Variants in HAO1 observed in about 807,000 individuals in gnomAD.
The protein encoded by HAO1 is hydroxyacid oxidase 1.
A neutral mutation model predicts 39.7 loss-of-function variants in HAO1; 34 were observed. The ratio of observed to expected loss-of-function variants is 0.86; its 90% CI spans 0.65 to 1.14. The LOEUF (loss-of-function observed/expected upper bound fraction) is 1.14, where lower values mean the gene tolerates loss of function less well. Ranked by LOEUF, HAO1 falls within the 50% of genes most tolerant of loss-of-function variation. The pLI is 0.00. For missense variants in HAO1, 479 were observed against 464.5 expected (o/e 1.03, Z -0.29); for synonymous variants, 172 against 173.2 (o/e 0.99, Z 0.05).
intron 2 of HAO1, among the ~76,000 whole-genome samples, chr20:7,916,404 G>T (rs2050307341): frequency 6.6e-6 from 1 of 152,190 alleles, no homozygotes; most frequent in Non-Finnish European, 1.5e-5. Context: ...GACACTCACA[G>T]GATGTTGATA....
chr20:7,883,801 T>A, intron 7 of HAO1, 138 bp from the exon 8 acceptor site: 1 of 718,382 alleles, frequency 1.4e-6, no homozygotes, highest in Non-Finnish European at 2.5e-6. Flanking sequence ...TTATGTGGCA[T>A]GAGACCATTT....
rs1459530705 is a variant in HAO1, at chr20:7,934,543, A to T, written c.230T>A (p.Val77Glu). Residue 77 changes from valine (V) to glutamate (E), a missense_variant, in exon 2 of 8, where the codon GTG becomes GAG. Val to Glu is a moderately radical substitution (Grantham distance 121). Transcript: ENST00000378789. Reference protein sequence around the residue: ...LGQRVSMPICVGATAMQRMAH... With the variant: ...LGQRVSMPICEGATAMQRMAH... ...CATGCGCTGCATGGCCGTAGCCCCC[A>T]CACATATTGGCATGCTGACCCTCTG... The T allele has an allele frequency of 6.2e-7, 1 of 1,613,532 alleles. No homozygotes were observed. Among genetic ancestry groups the T allele is most frequent in the Admixed American group, 1.7e-5 (1 of 60,006 alleles).
intron 4 of HAO1, among the ~76,000 whole-genome samples, chr20:7,905,854 G>A (rs911653996): frequency 2.0e-5 from 3 of 152,166 alleles, no homozygotes; most frequent in East Asian, 1.9e-4. Flanking sequence ...AACTCATGAC[G>A]TTCTACCAAG....
intron 5 of HAO1, among the ~76,000 whole-genome samples, chr20:7,890,444 C>T (rs901147789): frequency 2.0e-5 from 3 of 152,102 alleles, no homozygotes; most frequent in African/African-American, 7.2e-5. Flanking sequence ...GAACTCCTGA[C>T]CTCAGGTGAT....
At chr20:7,931,229 C>T (rs1334841135) in intron 2 of HAO1, among the ~76,000 whole-genome samples, 1 of 152,054 alleles carries the variant, frequency 6.6e-6, no homozygotes, top group Non-Finnish European at 1.5e-5. Context: ...ATGTCACCAC[C>T]CTCTCTTTGT....
At chr20:7,933,880 C>T (rs1474729849) in intron 2 of HAO1, among the ~76,000 whole-genome samples, 1 of 152,182 alleles carries the variant, frequency 6.6e-6, no homozygotes, top group African/African-American at 2.4e-5. Context: ...ATCACTCCCT[C>T]CTAAGACAGC....
At position 7,883,530 on chromosome 20, in the gene HAO1, G is replaced by A; in HGVS notation, c.*63C>T. On this transcript the variant is annotated 3_prime_UTR_variant, in exon 8 of 8. Transcript: ENST00000378789. ...AGACTGTGGTCACCCTCTGCACAGT[G>A]TCTCTTTGTCAAGTAATACATGCTG... 1 of 1,203,186 alleles carries A rather than the reference G, an allele frequency of 8.3e-7. No individual in the cohort carries two copies. The highest frequency in any genetic ancestry group is 1.2e-6 in the Non-Finnish European group (1 of 805,080). 74.5% of individuals were successfully genotyped at this position (1,203,186 alleles called of 1,614,324 possible). A position where few individuals can be genotyped will look rare whatever the true frequency, so the allele number is the denominator to read the frequency against.
At chr20:7,903,615 G>GTGGTGATAA (rs2050232269) in intron 4 of HAO1, among the ~76,000 whole-genome samples, 2 of 151,396 alleles carry the variant, frequency 1.3e-5, no homozygotes, top group Non-Finnish European at 2.9e-5. Context: ...GGTGGTCATA[G>GTGGTGATAA]TGGTGATGGG....
intron 2 of HAO1, among the ~76,000 whole-genome samples, chr20:7,930,120 G>T (rs1288775430): frequency 6.6e-6 from 1 of 152,016 alleles, no homozygotes; most frequent in East Asian, 1.9e-4. Flanking sequence ...CTGCTGAGGG[G>T]GACACTTCTC....
chr20:7,900,917 C>T (rs2050218533), intron 4 of HAO1, among the ~76,000 whole-genome samples: 1 of 152,190 alleles, frequency 6.6e-6, no homozygotes, highest in Non-Finnish European at 1.5e-5. Flanking sequence ...ATTAAAGCTA[C>T]TACTCTAGTG....
intron 7 of HAO1, 53 bp from the exon 8 acceptor site, chr20:7,883,716 C>G (rs777890801): frequency 2.4e-6 from 3 of 1,275,534 alleles, no homozygotes; most frequent in Non-Finnish European, 3.4e-6. Context: ...AATAATCAGG[C>G]AGGTAATCGT....
At chr20:7,891,052 G>C (rs888405712) in intron 5 of HAO1, among the ~76,000 whole-genome samples, 1 of 152,018 alleles carries the variant, frequency 6.6e-6, no homozygotes, top group African/African-American at 2.4e-5. Flanking sequence ...TTTTCCTCTG[G>C]GTAGATAGCC....
chr20:7,907,623 C>T (rs550245161), intron 3 of HAO1, among the ~76,000 whole-genome samples: 13 of 152,250 alleles, frequency 8.5e-5, no homozygotes, highest in African/African-American at 2.9e-4. Context: ...CACTGAGTTG[C>T]TTCCTTCCCG....
intron 5 of HAO1, among the ~76,000 whole-genome samples, chr20:7,888,770 C>T (rs2050161498): frequency 6.6e-6 from 1 of 152,144 alleles, no homozygotes; most frequent in African/African-American, 2.4e-5. Flanking sequence ...TGTTCTGCCA[C>T]CTTAGATATG....
At chr20:7,883,820 C>G (rs904754378) in intron 7 of HAO1, among the ~76,000 whole-genome samples, 157 bp from the exon 8 acceptor site, 1 of 152,108 alleles carries the variant, frequency 6.6e-6, no homozygotes, top group Non-Finnish European at 1.5e-5. Context: ...TTTTTATTAC[C>G]TAAACAGTCC....
intron 2 of HAO1, among the ~76,000 whole-genome samples, chr20:7,919,420 T>C (rs1377530605): frequency 7.1e-6 from 1 of 141,770 alleles, no homozygotes; most frequent in African/African-American, 2.9e-5. Context: ...TATAAGGAAA[T>C]TGCATATGAC....
intron 2 of HAO1, among the ~76,000 whole-genome samples, chr20:7,934,017 G>A (rs1473701651): frequency 1.3e-5 from 2 of 152,148 alleles, no homozygotes; most frequent in Non-Finnish European, 2.9e-5. Flanking sequence ...TTTGGTTTGG[G>A]GGAAGCAGGA....
chr20:7,927,143 A>G (rs995294905), intron 2 of HAO1, among the ~76,000 whole-genome samples: 8 of 152,160 alleles, frequency 5.3e-5, no homozygotes, highest in African/African-American at 1.9e-4. Context: ...AAAACCTGAG[A>G]GGTTTCCATG....
intron 4 of HAO1, among the ~76,000 whole-genome samples, chr20:7,895,987 G>A (rs552071737): frequency 2.7e-4 from 41 of 151,992 alleles, no homozygotes; most frequent in African/African-American, 8.2e-4. Context: ...CAGGAGAATC[G>A]TTTGAACCTG....
Sources: allele counts gnomAD v4.1 joint callset (sites outside exome capture counted in the v4.1 genomes callset), GRCh38; gene constraint gnomAD v4.1.1; transcripts MANE v1.5; gene names NCBI Gene and HGNC (gene_info 2026-07-23, HGNC 2026-07-21).